Variants in FRMD3 observed in about 807,000 individuals in gnomAD.
The protein encoded by FRMD3 is FERM domain containing 3, also known as FERM domain-containing protein 3.
Under a neutral mutation model 70.2 loss-of-function variants are expected in FRMD3, and 33 were observed. The ratio of observed to expected loss-of-function variants is 0.47; its 90% CI spans 0.36 to 0.63. FRMD3 has a LOEUF of 0.63. Ranked by LOEUF, FRMD3 falls within the 20% of genes least tolerant of loss-of-function variation. The probability of loss-of-function intolerance (pLI) is 0.00; values close to 1 mark genes in which losing one functional copy is unlikely to be tolerated. For missense variants in FRMD3, 632 were observed against 711.4 expected (o/e 0.89, Z 1.27); for synonymous variants, 279 against 255.9 (o/e 1.09, Z -0.86).
chr9:83,369,191 A>C (rs1045213833), intron 3 of FRMD3, among the ~76,000 whole-genome samples: 2 of 152,174 alleles, frequency 1.3e-5, no homozygotes, highest in Non-Finnish European at 2.9e-5. Flanking sequence ...ACTTTCACAA[A>C]ATGCAGTACT....
the FRMD3 span, among the ~76,000 whole-genome samples, chr9:83,562,546 C>T: frequency 6.6e-6 from 1 of 152,166 alleles, no homozygotes. Flanking sequence ...GAAATAAATG[C>T]AGGAACATAC....
chr9:83,520,304 T>A (rs1348420263), intron 1 of FRMD3, among the ~76,000 whole-genome samples: 1 of 152,198 alleles, frequency 6.6e-6, no homozygotes, highest in Non-Finnish European at 1.5e-5. Flanking sequence ...CTAAGTTCTC[T>A]CTGAAAATAA....
intron 1 of FRMD3, among the ~76,000 whole-genome samples, chr9:83,529,915 G>T (rs979278198): frequency 6.6e-6 from 1 of 152,252 alleles, no homozygotes. Flanking sequence ...CCAGAGAAAT[G>T]CAAATCAAAA....
chr9:83,376,819 C>T (rs1465227199), intron 2 of FRMD3, among the ~76,000 whole-genome samples: 1 of 151,878 alleles, frequency 6.6e-6, no homozygotes, highest in African/African-American at 2.4e-5. Context: ...ATATATTTTG[C>T]AAAGCTTGGT....
intron 1 of FRMD3, among the ~76,000 whole-genome samples, chr9:83,398,710 G>C (rs886179318): frequency 1.3e-5 from 2 of 152,186 alleles, no homozygotes; most frequent in African/African-American, 4.8e-5. Flanking sequence ...ATACATATCT[G>C]TTTTAGAGTA....
chr9:83,306,496 G>A (rs561034679), intron 10 of FRMD3, among the ~76,000 whole-genome samples: 9 of 152,202 alleles, frequency 5.9e-5, no homozygotes, highest in Non-Finnish European at 1.2e-4. Flanking sequence ...GGTACCCTAC[G>A]GGAGCTTGGA....
intron 7 of FRMD3, 119 bp downstream of exon 7, chr9:83,313,541 G>A: frequency 6.6e-6 from 5 of 759,664 alleles, no homozygotes; most frequent in Non-Finnish European, 1.1e-5. Flanking sequence ...CTTCCAATGA[G>A]GGACCGTGGG....
At chr9:83,505,547 TAACA>T (rs1194169139) in intron 1 of FRMD3, among the ~76,000 whole-genome samples, 1 of 152,118 alleles carries the variant, frequency 6.6e-6, no homozygotes, top group East Asian at 1.9e-4. Context: ...AAGGTCCTCC[TAACA>T]AAGTGATCAG....
intron 12 of FRMD3, among the ~76,000 whole-genome samples, chr9:83,297,295 G>C (rs951497281): frequency 6.6e-6 from 1 of 152,110 alleles, no homozygotes; most frequent in Non-Finnish European, 1.5e-5. Context: ...TGAACCACTT[G>C]GGGTAGTTCC....
the FRMD3 span, among the ~76,000 whole-genome samples, chr9:83,564,590 G>A: frequency 2.5e-3 from 377 of 152,338 alleles, no homozygotes; most frequent in African/African-American, 6.3e-3. Context: ...CTTAGGGAAA[G>A]AGTATCTCTG....
At chr9:83,289,681 C>A (rs571971524) in intron 13 of FRMD3, among the ~76,000 whole-genome samples, 3 of 152,264 alleles carry the variant, frequency 2.0e-5, no homozygotes, top group African/African-American at 7.2e-5. Context: ...CTTGAAACTG[C>A]CCAGTATCCA....
intron 3 of FRMD3, among the ~76,000 whole-genome samples, chr9:83,371,318 T>C (rs1564041769): frequency 1.0e-5 from 1 of 96,538 alleles, no homozygotes; most frequent in South Asian, 2.9e-4. Flanking sequence ...CCCTGTCTTA[T>C]TACTTTTTTT....
At chr9:83,452,886 G>A (rs1343535721) in intron 1 of FRMD3, among the ~76,000 whole-genome samples, 5 of 106,998 alleles carry the variant, frequency 4.7e-5, no homozygotes, top group African/African-American at 1.5e-4. Flanking sequence ...ACAGAGTCTC[G>A]CCCTGTCACC....
Position 83,294,851 on chromosome 9 carries a change from A to C in FRMD3, c.1070+3897T>G, listed in dbSNP as rs185634134. On this transcript the variant is annotated intron_variant, in intron 12 of 13. Transcript: ENST00000304195. ...CCCTACTGTCCTCCTGTTTCTGGCT[A>C]CATGAGGTCCCACTGTGTCAGGCAC... is the stretch of plus-strand genomic sequence containing the variant. Among the ~76,000 whole-genome samples the C allele has an allele frequency of 6.7e-4, 102 of 152,354 alleles. 1 individual carries two copies. The highest frequency in any genetic ancestry group is 2.4e-3 in the African/African-American group (99 of 41,584).
At chr9:83,290,547 G>T (rs1834375981) in intron 13 of FRMD3, 56 bp downstream of exon 13, 6 of 1,608,892 alleles carry the variant, frequency 3.7e-6, no homozygotes, top group Non-Finnish European at 4.3e-6. Flanking sequence ...CGCCTCCCTT[G>T]TTTTTTCCAG....
At chr9:83,283,925 T>C (rs1377403329) in intron 13 of FRMD3, among the ~76,000 whole-genome samples, 1 of 152,214 alleles carries the variant, frequency 6.6e-6, no homozygotes, top group Non-Finnish European at 1.5e-5. Flanking sequence ...ACCAGTGTTT[T>C]CCACATTAAA....
chr9:83,448,115 T>C (rs1354877059), intron 1 of FRMD3, among the ~76,000 whole-genome samples: 2 of 152,196 alleles, frequency 1.3e-5, no homozygotes, highest in East Asian at 1.9e-4. Context: ...GGTGCTTCAG[T>C]GTATGAGAGT....
the FRMD3 span, among the ~76,000 whole-genome samples, chr9:83,578,277 T>C: frequency 1.3e-5 from 2 of 151,978 alleles, no homozygotes; most frequent in Admixed American, 1.3e-4. Context: ...CTAATCCTTC[T>C]CAAATGCTTC....
chr9:83,443,146 T>C (rs1174788508), intron 1 of FRMD3, among the ~76,000 whole-genome samples: 2 of 152,204 alleles, frequency 1.3e-5, no homozygotes, highest in Non-Finnish European at 2.9e-5. Flanking sequence ...TGAGAGTATG[T>C]TTCTTTTTTT....
Sources: gnomAD v4.1 joint callset for allele counts (sites outside exome capture counted in the v4.1 genomes callset) on GRCh38, gnomAD v4.1.1 for gene constraint, MANE v1.5 for transcripts, NCBI Gene and HGNC (gene_info 2026-07-23, HGNC 2026-07-21) for gene names.